Variants in GALNT17 observed in about 807,000 individuals in gnomAD.
The protein encoded by GALNT17 is polypeptide N-acetylgalactosaminyltransferase 17.
Under a neutral mutation model 63.7 loss-of-function variants are expected in GALNT17, and 29 were observed. That is an observed-to-expected ratio of 0.46 (90% CI 0.34 to 0.62). GALNT17 has a LOEUF of 0.62. Among genes scored for constraint, GALNT17 ranks in the 20% least tolerant of loss-of-function variants. The pLI is 0.01. For synonymous variants in GALNT17, 305 were observed against 318.3 expected (o/e 0.96, Z 0.45); for missense variants, 603 against 799.6 (o/e 0.75, Z 2.97).
intron 2 of GALNT17, among the ~76,000 whole-genome samples, chr7:71,339,529 T>C (rs1210861861): frequency 2.0e-5 from 3 of 151,630 alleles, no homozygotes; most frequent in African/African-American, 7.3e-5. Context: ...TGTACTAAAA[T>C]ATACAAAAAA....
At chr7:71,431,773 G>T (rs79683847) in intron 5 of GALNT17, among the ~76,000 whole-genome samples, 4,953 of 152,162 alleles carry the variant, frequency 0.033, 116 homozygotes, top group South Asian at 0.12. Flanking sequence ...AGTGTGTTTG[G>T]GGTCTTAAAG....
intron 1 of GALNT17, among the ~76,000 whole-genome samples, chr7:71,239,355 C>T (rs983863572): frequency 6.6e-6 from 1 of 151,602 alleles, no homozygotes; most frequent in Non-Finnish European, 1.5e-5. Context: ...TGCCTGTAGT[C>T]CCAGCTACCT....
intron 5 of GALNT17, among the ~76,000 whole-genome samples, chr7:71,483,878 T>A (rs1787863780): frequency 6.6e-6 from 1 of 152,140 alleles, no homozygotes; most frequent in Admixed American, 6.6e-5. Flanking sequence ...AATTTTTTTT[T>A]CTCTTTACTC....
At chr7:71,427,676 G>T (rs1372765263) in intron 5 of GALNT17, among the ~76,000 whole-genome samples, 1 of 152,010 alleles carries the variant, frequency 6.6e-6, no homozygotes, top group Non-Finnish European at 1.5e-5. Context: ...TTGCGGACCA[G>T]GGCTGGTCCT....
chr7:71,462,665 C>T (rs991206955), intron 5 of GALNT17, among the ~76,000 whole-genome samples: 4 of 152,086 alleles, frequency 2.6e-5, no homozygotes, highest in African/African-American at 7.2e-5. Context: ...GAAACAAAGG[C>T]GGGAAGACTT....
chr7:71,419,264 G>A (rs1786615218), intron 4 of GALNT17, among the ~76,000 whole-genome samples: 1 of 152,144 alleles, frequency 6.6e-6, no homozygotes. Flanking sequence ...AACCAGACCA[G>A]CTAGGTTAGA....
chr7:71,548,470 A>G (rs761098635), intron 5 of GALNT17, among the ~76,000 whole-genome samples: 1 of 152,178 alleles, frequency 6.6e-6, no homozygotes, highest in Non-Finnish European at 1.5e-5. Context: ...TTAGAGTTCA[A>G]CATTGACAAT....
chr7:71,277,525 C>G (rs998925618), intron 1 of GALNT17, among the ~76,000 whole-genome samples: 1 of 152,114 alleles, frequency 6.6e-6, no homozygotes, highest in Non-Finnish European at 1.5e-5. Flanking sequence ...AAGAATATTA[C>G]AAAACAGCAA....
chr7:71,260,010 A>T (rs754597707), intron 1 of GALNT17, among the ~76,000 whole-genome samples: 2 of 152,106 alleles, frequency 1.3e-5, no homozygotes, highest in Non-Finnish European at 2.9e-5. Context: ...TGGGTAGGGG[A>T]TGGGGAGAGG....
intron 6 of GALNT17, among the ~76,000 whole-genome samples, chr7:71,580,112 A>G (rs1789609441): frequency 1.3e-5 from 2 of 152,146 alleles, no homozygotes; most frequent in African/African-American, 4.8e-5. Flanking sequence ...GATAGATTAT[A>G]GATTAGATTG....
intron 1 of GALNT17, among the ~76,000 whole-genome samples, chr7:71,245,891 T>C (rs1790085761): frequency 6.9e-6 from 1 of 145,298 alleles, no homozygotes; most frequent in Non-Finnish European, 1.5e-5. Flanking sequence ...ACTCCTACCC[T>C]GTATAAGTGA....
intron 1 of GALNT17, among the ~76,000 whole-genome samples, chr7:71,201,241 T>TTTTATATATATATA (rs1789163354): frequency 2.2e-5 from 3 of 138,382 alleles, no homozygotes; most frequent in African/African-American, 8.5e-5. Context: ...GTGTTTATTT[T>TTTTATATATATATA]TATATATATA....
chr7:71,517,558 C>A (rs1307264001), intron 5 of GALNT17, among the ~76,000 whole-genome samples: 2 of 152,102 alleles, frequency 1.3e-5, no homozygotes, highest in African/African-American at 2.4e-5. Flanking sequence ...GTCCTTCTAG[C>A]CAGCATTTTT....
chr7:71,219,290 A>G (rs1243869781), intron 1 of GALNT17, among the ~76,000 whole-genome samples: 1 of 152,224 alleles, frequency 6.6e-6, no homozygotes, highest in Non-Finnish European at 1.5e-5. Flanking sequence ...AGAGTGATGA[A>G]GAGCCCAAGA....
intron 9 of GALNT17, among the ~76,000 whole-genome samples, chr7:71,694,348 T>C (rs1231203686): frequency 7.2e-6 from 1 of 138,442 alleles, no homozygotes; most frequent in Non-Finnish European, 1.5e-5. Context: ...ATGTAATCTA[T>C]AATTATCCCA....
chr7:71,239,712 C>T (rs566581691), intron 1 of GALNT17, among the ~76,000 whole-genome samples: 1 of 152,258 alleles, frequency 6.6e-6, no homozygotes, highest in African/African-American at 2.4e-5. Context: ...TTGTTTTTCA[C>T]TCCAGGCCCC....
intron 5 of GALNT17, among the ~76,000 whole-genome samples, chr7:71,521,046 G>A (rs1788522012): frequency 6.6e-6 from 1 of 152,216 alleles, no homozygotes; most frequent in Non-Finnish European, 1.5e-5. Flanking sequence ...GCTGCCCATG[G>A]AAGATGCCAT....
chr7:71,276,313 G>C (rs1368710941), intron 1 of GALNT17, among the ~76,000 whole-genome samples: 1 of 152,124 alleles, frequency 6.6e-6, no homozygotes, highest in Non-Finnish European at 1.5e-5. Context: ...CCCACTACTG[G>C]ATATTCACTC....
chr7:71,434,310 C>T (rs60410337), intron 5 of GALNT17, among the ~76,000 whole-genome samples: 1,659 of 152,288 alleles, frequency 0.011, 23 homozygotes, highest in African/African-American at 0.038. Context: ...CTCACTAATA[C>T]ACCAAGGAAC....
Sources: gnomAD v4.1 joint callset for allele counts (sites outside exome capture counted in the v4.1 genomes callset) on GRCh38, gnomAD v4.1.1 for gene constraint, MANE v1.5 for transcripts, NCBI Gene and HGNC (gene_info 2026-07-23, HGNC 2026-07-21) for gene names.